AFM: variants seen among roughly 807,000 people sequenced by gnomAD.
AFM encodes the protein alpha-Alb.
A neutral mutation model predicts 68.7 loss-of-function variants in AFM; 82 were observed. That is an observed-to-expected ratio of 1.19 (90% CI 1.00 to 1.43). AFM has a LOEUF of 1.43. Ranked by LOEUF, AFM falls within the 40% of genes most tolerant of loss-of-function variation. The pLI, the probability that AFM is intolerant of heterozygous loss-of-function variation, is 0.00. For missense variants in AFM, 772 were observed against 701.8 expected, an observed-to-expected ratio of 1.10 and a Z score of -1.13; for synonymous variants, 250 against 234.2, an observed-to-expected ratio of 1.07 and a Z score of -0.61.
rs369562317 is a variant in AFM at position 73,486,077 on chromosome 4, A to C, written c.482+4A>C. 2.5e-6 allele frequency: 4 copies of C among 1,607,584 alleles called. No individual in the cohort carries two copies. Among genetic ancestry groups the C allele is most frequent in the Non-Finnish European group, 8.5e-7 (1 of 1,175,000 alleles). On this transcript the variant is annotated splice_donor_region_variant and intron_variant, in intron 4 of 14. Transcript: ENST00000226355. ...ACAGAGAATCCCTTTTAAATCAGTA[A>C]GTTTAATCTTAGTAAAAAATGATCC...
rs758087629 is a variant in AFM at position 73,495,357 on chromosome 4, A to G, written c.1116A>G (p.Arg372=). 23 of 1,613,208 alleles carry G rather than the reference A, an allele frequency of 1.4e-5. No individual in the cohort carries two copies. The highest frequency in any genetic ancestry group is 1.6e-4 in the Middle Eastern group (1 of 6,074). ...ACCTGTCTATACCAGAGCTTTTAAG[A>G]ATTGTTCAAATATACAAAGATCTCC... The part of the protein sequence containing the change: ...HPDLSIPELL[R]IVQIYKDLLR... The change falls in exon 9 of 15, where the codon AGA becomes AGG. Residue 372 remains arginine (R), a synonymous_variant. Coordinates refer to ENST00000226355, the MANE Select transcript of AFM (RefSeq NM_001133.2).
intron 12 of AFM, among the ~76,000 whole-genome samples, chr4:73,500,488 CA>C (rs145129127): frequency 0.034 from 5,143 of 152,102 alleles, 124 homozygotes; most frequent in South Asian, 0.056. Flanking sequence ...CAGCAGCCAG[CA>C]AAAAGGCTCA....
Position 73,487,095 on chromosome 4 carries a change from C to T in AFM, c.611C>T (p.Thr204Ile). 1 of 1,613,886 alleles carries T rather than the reference C, an allele frequency of 6.2e-7. No individual in the cohort carries two copies. The highest frequency in any genetic ancestry group is 8.5e-7 in the Non-Finnish European group (1 of 1,179,870). Residue 204 changes from threonine to isoleucine, a missense_variant, in exon 5 of 15, where the codon ACA (threonine) becomes ATA (isoleucine). Coordinates refer to ENST00000226355, the MANE Select transcript of AFM (RefSeq NM_001133.2). Reference sequence around the variant, plus strand: ...CAAAACAAAGTCAACTGCCTTCAAACAAGGGTGGGTATAGCATTTGTTCCA... The same window carrying T: ...CAAAACAAAGTCAACTGCCTTCAAATAAGGGTGGGTATAGCATTTGTTCCA... ...EEQNKVNCLQTRAIPVTQYLK... is the reference protein window; with the variant it reads ...EEQNKVNCLQIRAIPVTQYLK...
In AFM at chr4:73,499,090, C is replaced by T. The variant is rs191719111; in HGVS notation, c.1290-24C>T. On this transcript the variant is annotated intron_variant, in intron 10 of 14. Transcript: ENST00000226355. ...AATGGGTATCTGCTTTCATTCAGAA[C>T]CAAACAGACAAATGTTCTTTCAGTT... 3.7e-6 allele frequency: 6 copies of T among 1,604,816 alleles called. No homozygotes were observed. In the Admixed American group the frequency reaches 8.4e-5, roughly 23 times the overall value.
rs373332550 is a variant in AFM at position 73,482,292 on chromosome 4, C to A, written c.88+429C>A. Among the ~76,000 whole-genome samples the A allele has an allele frequency of 2.2e-3, 332 of 152,370 alleles. 1 individual carries two copies. Among genetic ancestry groups the A allele is most frequent in the African/African-American group, 7.7e-3 (319 of 41,584 alleles). ...ATGCAGAACCTAGTTCCTCCTTCAA[C>A]TGTACAGTTTGAACATCCCTCCTGA... On this transcript the variant is annotated intron_variant, in intron 1 of 14. Coordinates refer to ENST00000226355, the MANE Select transcript of AFM (RefSeq NM_001133.2).
At position 73,481,817 on chromosome 4, in the gene AFM, T is replaced by G; in HGVS notation, c.42T>G (p.Phe14Leu). ...TTACAGGTTTTATTTTTTTCTTGTT[T>G]TTTTTGACTGAATCCCTAACCCTGC... Reference protein sequence around the residue: ...LKLTGFIFFLFFLTESLTLPT... With the variant: ...LKLTGFIFFLLFLTESLTLPT... The change falls in exon 1 of 15, where the codon TTT (phenylalanine) becomes TTG (leucine). Residue 14 changes from phenylalanine to leucine, a missense_variant. Coordinates refer to ENST00000226355, the MANE Select transcript of AFM (RefSeq NM_001133.2). The G allele has an allele frequency of 2.5e-6, 4 of 1,608,340 alleles. No individual in the cohort carries two copies. The highest frequency in any genetic ancestry group is 2.2e-5 in the East Asian group (1 of 44,736).
At position 73,488,649 on chromosome 4, in the gene AFM, C is replaced by A; in HGVS notation, c.733C>A (p.Gln245Lys). Residue 245 changes from glutamine (Q) to lysine (K), a missense_variant, in exon 7 of 15, where the codon CAA becomes AAA. Coordinates refer to ENST00000226355, the MANE Select transcript of AFM (RefSeq NM_001133.2). ...VHFIYIAILS[Q>K]KFPKIEFKEL... Reference sequence around the variant, plus strand: ...TTCCAGATATATTGCGATACTCAGTCAAAAATTCCCCAAGATTGAATTTAA... The same window carrying A: ...TTCCAGATATATTGCGATACTCAGTAAAAAATTCCCCAAGATTGAATTTAA... The A allele has an allele frequency of 1.2e-6, 2 of 1,610,668 alleles. No homozygotes were observed. Among genetic ancestry groups the A allele is most frequent in the South Asian group, 2.2e-5 (2 of 90,302 alleles).
In AFM at chr4:73,491,913, C is replaced by A; in HGVS notation, c.885C>A (p.Ile295=). 2 of 1,613,944 alleles carry A rather than the reference C, an allele frequency of 1.2e-6. No individual in the cohort carries two copies. The highest frequency in any genetic ancestry group is 1.1e-5 in the South Asian group (1 of 91,054). ...MNHICSKQDS[I]SSKIKECCEK... is the part of the protein sequence containing the mutation. ...ATATTTGTTCAAAACAAGATTCTAT[C>A]TCCAGCAAAATCAAAGAGTGCTGTG... Residue 295 remains isoleucine (I), a synonymous_variant, in exon 8 of 15, where the codon ATC becomes ATA. Coordinates refer to ENST00000226355, the MANE Select transcript of AFM (RefSeq NM_001133.2).
Position 73,500,132 on chromosome 4 carries a change from A to T in AFM, c.1551A>T (p.Lys517Asn), listed in dbSNP as rs1484856184. 6.2e-7 allele frequency: 1 copy of T among 1,614,044 alleles called. No homozygotes were observed. The highest frequency in any genetic ancestry group is 8.5e-7 in the Non-Finnish European group (1 of 1,179,972). ...RPCFESLKADKTYVPPPFSQD... is the reference protein window; with the variant it reads ...RPCFESLKADNTYVPPPFSQD... ...GCTTTGAGAGTTTGAAAGCTGATAA[A>T]ACATATGTGCCTCCACCTTTCTCTC... The change falls in exon 12 of 15, where the codon AAA becomes AAT. Residue 517 changes from lysine to asparagine, a missense_variant. Transcript: ENST00000226355.
rs75278143 is a variant in AFM at position 73,494,836 on chromosome 4, G to T, written c.1059-464G>T. Among the ~76,000 whole-genome samples, 1,409 of 152,268 alleles carry T rather than the reference G, an allele frequency of 9.3e-3. 14 individuals are homozygous for T. The highest frequency in any genetic ancestry group is 0.03 in the African/African-American group (1,264 of 41,558). ...GAAGGCGTAAACACTCCCATAGTTGGCAAGTGACAGGATGTAGTAATGGGC... is the reference window on the plus strand; with the variant it reads ...GAAGGCGTAAACACTCCCATAGTTGTCAAGTGACAGGATGTAGTAATGGGC... On this transcript the variant is annotated intron_variant, in intron 8 of 14. Transcript: ENST00000226355.
chr4:73,489,636 C>T (rs1002860325), intron 7 of AFM, among the ~76,000 whole-genome samples: 2 of 152,144 alleles, frequency 1.3e-5, no homozygotes. Flanking sequence ...TGTCCTTTAA[C>T]CAACATCTCC....
At chr4:73,491,648 AT>A (rs1300255196) in intron 7 of AFM, among the ~76,000 whole-genome samples, 3 of 152,200 alleles carry the variant, frequency 2.0e-5, no homozygotes, top group Non-Finnish European at 4.4e-5. Context: ...AGTACAGCCT[AT>A]TTTTTCATAA....
chr4:73,498,471 G>A (rs1332487153), intron 10 of AFM, among the ~76,000 whole-genome samples: 1 of 152,054 alleles, frequency 6.6e-6, no homozygotes, highest in Admixed American at 6.6e-5. Flanking sequence ...TTTTTTGGTA[G>A]AGATGGCGTT....
intron 9 of AFM, among the ~76,000 whole-genome samples, chr4:73,496,672 T>G (rs1721267022): frequency 6.6e-6 from 1 of 152,170 alleles, no homozygotes; most frequent in Admixed American, 6.6e-5. Context: ...CTTTATTTGA[T>G]TTTTAAATTG....
intron 3 of AFM, 105 bp downstream of exon 3, chr4:73,484,495 T>TTTCTTTC (rs1720827309): frequency 1.4e-6 from 1 of 731,462 alleles, no homozygotes; most frequent in African/African-American, 2.2e-5. Flanking sequence ...TCTTTCTTTC[T>TTTCTTTC]TTCTTTCTTT....
At chr4:73,492,922 G>C (rs1721120655) in intron 8 of AFM, among the ~76,000 whole-genome samples, 3 of 150,350 alleles carry the variant, frequency 2.0e-5, no homozygotes. Context: ...TTCATCTATA[G>C]AGAGTATAAA....
intron 8 of AFM, 197 bp from the exon 9 acceptor site, chr4:73,495,103 A>G (rs896494514): frequency 1.0e-5 from 4 of 400,108 alleles, no homozygotes; most frequent in African/African-American, 8.3e-5. Context: ...TTAATCTAAA[A>G]CGTACCATGG....
At chr4:73,499,756 G>T (rs1276026882) in intron 11 of AFM, among the ~76,000 whole-genome samples, 1 of 152,058 alleles carries the variant, frequency 6.6e-6, no homozygotes, top group Non-Finnish European at 1.5e-5. Context: ...TTGAAAGTTT[G>T]TTTATATGCC....
intron 13 of AFM, among the ~76,000 whole-genome samples, chr4:73,502,804 A>G (rs899687811): frequency 6.6e-6 from 1 of 152,186 alleles, no homozygotes; most frequent in Non-Finnish European, 1.5e-5. Flanking sequence ...ATTAATCAAT[A>G]TCTAGCATTT....
Sources: gnomAD v4.1 joint callset for allele counts (sites outside exome capture counted in the v4.1 genomes callset) on GRCh38, gnomAD v4.1.1 for gene constraint, MANE v1.5 for transcripts, NCBI Gene and HGNC (gene_info 2026-07-23, HGNC 2026-07-21) for gene names.